ADGRG6: variants seen among roughly 807,000 people sequenced by gnomAD.
ADGRG6 encodes adhesion G protein-coupled receptor G6.
In ADGRG6, 84 loss-of-function variants were observed where a neutral mutation model predicts 142.4. The ratio of observed to expected loss-of-function variants is 0.59; its 90% CI spans 0.49 to 0.71. The LOEUF (loss-of-function observed/expected upper bound fraction) is 0.71. ADGRG6 is among the 30% of genes least tolerant of loss of function. The pLI is 0.00. For synonymous variants in ADGRG6, 521 were observed against 520.5 expected (o/e 1.00, Z -0.01); for missense variants, 1,367 against 1,466.6 (o/e 0.93, Z 1.11).
chr6:142,315,608 A>G (rs9484621), intron 2 of ADGRG6, among the ~76,000 whole-genome samples: 14,538 of 151,950 alleles, frequency 0.096, 2,167 homozygotes, highest in African/African-American at 0.32. Context: ...GGCGGCGGGC[A>G]GATCATGAGG....
At chr6:142,356,932 A>C (rs1207083723) in intron 2 of ADGRG6, among the ~76,000 whole-genome samples, 5 of 152,184 alleles carry the variant, frequency 3.3e-5, no homozygotes, top group African/African-American at 1.2e-4. Context: ...TATTATTTTT[A>C]TTTCCCTCCC....
In ADGRG6 at chr6:142,419,960, C is replaced by A; in HGVS notation, c.3175C>A (p.Leu1059Met). ...GAATGGCAAGAGAAGCAACCGGACCCTGAGAGAAGAAGTGTTAAGGAACCT... is the reference window on the plus strand; with the variant it reads ...GAATGGCAAGAGAAGCAACCGGACCATGAGAGAAGAAGTGTTAAGGAACCT... ...GRNGKRSNRT[L>M]REEVLRNLRS... The change falls in exon 22 of 25, where the codon CTG becomes ATG. Residue 1059 changes from leucine (L) to methionine (M), a missense_variant. Coordinates refer to ENST00000367609, the MANE Select transcript of ADGRG6 (RefSeq NM_198569.3). 1 of 1,613,498 alleles carries A rather than the reference C, an allele frequency of 6.2e-7. No individual in the cohort carries two copies. Among genetic ancestry groups the A allele is most frequent in the Non-Finnish European group, 8.5e-7 (1 of 1,179,616 alleles).
intron 2 of ADGRG6, among the ~76,000 whole-genome samples, chr6:142,319,929 AC>A (rs554526129): frequency 3.0e-4 from 45 of 152,280 alleles, no homozygotes; most frequent in African/African-American, 1.1e-3. Context: ...GTAACAACTT[AC>A]GTTTTTGGTC....
At chr6:142,395,653 G>A (rs1363779075) in intron 9 of ADGRG6, among the ~76,000 whole-genome samples, 3 of 152,130 alleles carry the variant, frequency 2.0e-5, no homozygotes, top group Non-Finnish European at 4.4e-5. Context: ...AGTGTATATA[G>A]CAAAATCCAC....
chr6:142,370,603 G>T lies in ADGRG6; in HGVS notation c.879G>T (p.Leu293Phe). ...KVIPGNGKLL[L>F]GSNQNEIVSL... The stretch of plus-strand genomic sequence containing the variant: ...TTCCTGGGAATGGGAAATTGTTGTT[G>T]GGCTCCAATCAAAATGAAATTGTCT... Residue 293 changes from leucine (L) to phenylalanine (F), a missense_variant, in exon 4 of 25, where the codon TTG becomes TTT. Physicochemically the swap from Leu to Phe is conservative, Grantham distance 22 (BLOSUM62 0). This residue lies in a region of ADGRG6 where 737 missense variants were observed against 746.5 expected (regional missense o/e 0.99). Transcript: ENST00000367609. The T allele has an allele frequency of 6.2e-7, 1 of 1,612,650 alleles. No homozygotes were observed. Among genetic ancestry groups the T allele is most frequent in the Non-Finnish European group, 8.5e-7 (1 of 1,178,814 alleles).
At chr6:142,371,611 G>A (rs1490451285) in intron 4 of ADGRG6, among the ~76,000 whole-genome samples, 2 of 150,548 alleles carry the variant, frequency 1.3e-5, no homozygotes, top group East Asian at 2.0e-4. Flanking sequence ...TCAGCCTATC[G>A]AGTAGCTGGG....
In ADGRG6 at chr6:142,367,557, T is replaced by C. The variant is rs1179231356; in HGVS notation, c.104-12T>C. ...AGCCCTTCTCTCTGTCTCTCTTTTG[T>C]CTGGCCAGCAGTGTGGGGATGTGCC... On this transcript the variant is annotated splice_polypyrimidine_tract_variant and intron_variant, in intron 2 of 24. Coordinates refer to ENST00000367609, the MANE Select transcript of ADGRG6 (RefSeq NM_198569.3). 1.1e-5 allele frequency: 18 copies of C among 1,606,212 alleles called. No homozygotes were observed. Among genetic ancestry groups the C allele is most frequent in the Non-Finnish European group, 1.5e-5 (18 of 1,174,264 alleles).
At chr6:142,345,419 A>T (rs188841141) in intron 2 of ADGRG6, among the ~76,000 whole-genome samples, 1 of 152,194 alleles carries the variant, frequency 6.6e-6, no homozygotes, top group East Asian at 1.9e-4. Flanking sequence ...TGTAAATATA[A>T]AATTAAACAC....
At chr6:142,421,312 T>G (rs1286952610) in intron 22 of ADGRG6, among the ~76,000 whole-genome samples, 1 of 152,158 alleles carries the variant, frequency 6.6e-6, no homozygotes, top group Non-Finnish European at 1.5e-5. Flanking sequence ...ATGTATTAAC[T>G]AGTTCAGCAA....
chr6:142,335,242 C>G (rs1779256321), intron 2 of ADGRG6, among the ~76,000 whole-genome samples: 1 of 152,020 alleles, frequency 6.6e-6, no homozygotes, highest in African/African-American at 2.4e-5. Flanking sequence ...CACCTGATTT[C>G]TTTTGATGGT....
Position 142,443,421 on chromosome 6 carries a change from T to C in ADGRG6, c.3659T>C (p.Ile1220Thr). 6.2e-7 allele frequency: 1 copy of C among 1,611,648 alleles called. No homozygotes were observed. The highest frequency in any genetic ancestry group is 8.5e-7 in the Non-Finnish European group (1 of 1,177,890). ...TCAATCATCCCTGTCCATCAGGTCATTGATAAGGTCAAGGGTTATTGCAAT... is the reference window on the plus strand; with the variant it reads ...TCAATCATCCCTGTCCATCAGGTCACTGATAAGGTCAAGGGTTATTGCAAT... Reference protein sequence around the residue: ...QTSIIPVHQVIDKVKGYCNAH... With the variant: ...QTSIIPVHQVTDKVKGYCNAH... Residue 1220 changes from isoleucine to threonine, a missense_variant, in exon 25 of 25, where the codon ATT becomes ACT. By Grantham distance (89) the Ile-to-Thr change is moderately conservative. Around this residue, in one of 3 missense-constraint regions of ADGRG6, gnomAD observed 344 missense variants for 348.7 expected, o/e 0.99. Coordinates refer to ENST00000367609, the MANE Select transcript of ADGRG6 (RefSeq NM_198569.3).
intron 1 of ADGRG6, among the ~76,000 whole-genome samples, chr6:142,306,271 G>A (rs544357717): frequency 6.6e-6 from 1 of 152,186 alleles, no homozygotes; most frequent in Admixed American, 6.5e-5. Flanking sequence ...TGATCCATTT[G>A]GATAAAATAA....
intron 22 of ADGRG6, among the ~76,000 whole-genome samples, chr6:142,425,820 G>A (rs545618280): frequency 8.5e-5 from 13 of 152,290 alleles, no homozygotes; most frequent in East Asian, 1.9e-4. Flanking sequence ...CAATCATGGC[G>A]GGAAGCAAGG....
chr6:142,377,976 T>TA (rs1781582632), intron 4 of ADGRG6, among the ~76,000 whole-genome samples: 1 of 152,316 alleles, frequency 6.6e-6, no homozygotes, highest in African/African-American at 2.4e-5. Context: ...AAAATAGTGT[T>TA]TATTGAGTGT....
At chr6:142,417,086 A>G (rs1389701900) in intron 20 of ADGRG6, 187 bp from the exon 21 acceptor site, 2 of 635,834 alleles carry the variant, frequency 3.1e-6, no homozygotes, top group African/African-American at 3.6e-5. Flanking sequence ...TTGGACATTG[A>G]ACCCCAAGGA....
chr6:142,332,292 T>C (rs1009226209), intron 2 of ADGRG6, among the ~76,000 whole-genome samples: 1 of 152,176 alleles, frequency 6.6e-6, no homozygotes, highest in Admixed American at 6.6e-5. Context: ...AGGTAGAAAG[T>C]CCTAGCATAT....
At chr6:142,359,220 AAAAAAAGTG>A (rs1780603194) in intron 2 of ADGRG6, among the ~76,000 whole-genome samples, 1 of 151,308 alleles carries the variant, frequency 6.6e-6, no homozygotes, top group African/African-American at 2.4e-5. Context: ...AAAAAAAAAA[AAAAAAAGTG>A]CTAAACAAAA....
chr6:142,316,550 C>T (rs972657236), intron 2 of ADGRG6, among the ~76,000 whole-genome samples: 1 of 152,138 alleles, frequency 6.6e-6, no homozygotes, highest in African/African-American at 2.4e-5. Context: ...ATATTAATCA[C>T]TGTTTTTATA....
chr6:142,303,394 C>T (rs1444923047), intron 1 of ADGRG6, among the ~76,000 whole-genome samples: 1 of 152,196 alleles, frequency 6.6e-6, no homozygotes, highest in Non-Finnish European at 1.5e-5. Context: ...CCCCAACACA[C>T]ATTTTAAAAT....
Sources: gnomAD v4.1 joint callset for allele counts (sites outside exome capture counted in the v4.1 genomes callset) on GRCh38, gnomAD v4.1.1 for gene constraint, gnomAD v4.1.1 regional missense constraint, MANE v1.5 for transcripts, NCBI Gene and HGNC (gene_info 2026-07-23, HGNC 2026-07-21) for gene names.